The following EPHA7 variants were observed in gnomAD, a reference collection of about 807,000 sequenced individuals.
The protein encoded by EPHA7 is ephrin type-A receptor 7.
In EPHA7, 25 loss-of-function variants were observed where a neutral mutation model predicts 112.6. The observed-to-expected ratio is 0.22, with a 90% CI of 0.16 to 0.31. EPHA7 has a LOEUF of 0.31. Among genes scored for constraint, EPHA7 ranks in the 10% least tolerant of loss-of-function variants. EPHA7 has a pLI of 1.00. For missense variants in EPHA7, 962 were observed against 1,212.6 expected (o/e 0.79, Z 3.07); for synonymous variants, 437 against 406.5 (o/e 1.07, Z -0.90).
At chr6:93,357,621 A>T (rs1244884056) in intron 4 of EPHA7, among the ~76,000 whole-genome samples, 1 of 151,724 alleles carries the variant, frequency 6.6e-6, no homozygotes, top group African/African-American at 2.4e-5. Flanking sequence ...ATTACTTTTT[A>T]ATAACATTTA....
intron 13 of EPHA7, 99 bp downstream of exon 13, chr6:93,255,729 G>T: frequency 2.8e-6 from 3 of 1,057,810 alleles, no homozygotes; most frequent in Non-Finnish European, 2.8e-6. Flanking sequence ...AGCTCAATTT[G>T]CTTCATTTCT....
At chr6:93,298,956 G>GA (rs1461411296) in intron 5 of EPHA7, among the ~76,000 whole-genome samples, 2 of 151,818 alleles carry the variant, frequency 1.3e-5, no homozygotes, top group Admixed American at 6.6e-5. Context: ...ATTTACAAGA[G>GA]AAAAAAACAT....
At chr6:93,387,920 T>TAGAC (rs59997610) in intron 3 of EPHA7, among the ~76,000 whole-genome samples, 16,662 of 127,320 alleles carry the variant, frequency 0.13, 1,239 homozygotes, top group African/African-American at 0.21. Context: ...CTTAGATAGA[T>TAGAC]AGACAGATAG....
At chr6:93,387,968 T>TAGAC (rs1173297263) in intron 3 of EPHA7, among the ~76,000 whole-genome samples, 3 of 151,462 alleles carry the variant, frequency 2.0e-5, no homozygotes, top group African/African-American at 7.3e-5. Context: ...GATAGATAGA[T>TAGAC]AGATAGATAG....
At chr6:93,371,779 C>T (rs1052763253) in intron 3 of EPHA7, among the ~76,000 whole-genome samples, 11 of 152,146 alleles carry the variant, frequency 7.2e-5, no homozygotes, top group African/African-American at 2.7e-4. Flanking sequence ...TACATTACAT[C>T]TTCCTAATTA....
At chr6:93,394,217 A>C (rs1442378918) in intron 3 of EPHA7, among the ~76,000 whole-genome samples, 1 of 151,822 alleles carries the variant, frequency 6.6e-6, no homozygotes, top group African/African-American at 2.4e-5. Context: ...TAATGGCTTC[A>C]TTGGCTGAAT....
chr6:93,350,858 C>CGG (rs1775657050), intron 5 of EPHA7, among the ~76,000 whole-genome samples: 1 of 151,938 alleles, frequency 6.6e-6, no homozygotes, highest in Non-Finnish European at 1.5e-5. Flanking sequence ...AAAAACACTC[C>CGG]GGTTTCCCCG....
intron 3 of EPHA7, among the ~76,000 whole-genome samples, chr6:93,402,097 A>G (rs1778460824): frequency 6.6e-6 from 1 of 152,052 alleles, no homozygotes; most frequent in Non-Finnish European, 1.5e-5. Flanking sequence ...TAGGTTAATT[A>G]GAAACACTCT....
intron 5 of EPHA7, among the ~76,000 whole-genome samples, chr6:93,277,762 T>C (rs1047704977): frequency 2.6e-5 from 4 of 151,930 alleles, no homozygotes; most frequent in African/African-American, 9.7e-5. Context: ...TACAATATAG[T>C]AAGATATATA....
At chr6:93,360,707 T>G (rs1776219997) in intron 3 of EPHA7, among the ~76,000 whole-genome samples, 1 of 152,138 alleles carries the variant, frequency 6.6e-6, no homozygotes, top group Non-Finnish European at 1.5e-5. Context: ...CAGAGAAATT[T>G]CAAACTCTTA....
At chr6:93,295,130 C>T (rs1772593741) in intron 5 of EPHA7, among the ~76,000 whole-genome samples, 1 of 151,582 alleles carries the variant, frequency 6.6e-6, no homozygotes, top group African/African-American at 2.4e-5. Context: ...GAGAGATCAA[C>T]CATTTTGAAC....
intron 3 of EPHA7, among the ~76,000 whole-genome samples, chr6:93,401,001 G>T (rs547935560): frequency 6.6e-6 from 1 of 152,020 alleles, no homozygotes; most frequent in African/African-American, 2.4e-5. Context: ...CCAGATCTAG[G>T]TTTTCTCTGT....
chr6:93,248,794 G>A (rs1770076125), intron 14 of EPHA7, among the ~76,000 whole-genome samples: 1 of 152,072 alleles, frequency 6.6e-6, no homozygotes, highest in African/African-American at 2.4e-5. Flanking sequence ...GAACTCCAGG[G>A]CCTCACATCC....
chr6:93,371,591 G>A (rs866612288), intron 3 of EPHA7, among the ~76,000 whole-genome samples: 1 of 152,134 alleles, frequency 6.6e-6, no homozygotes, highest in Non-Finnish European at 1.5e-5. Context: ...AAAGAATTTA[G>A]AAATTTAGAA....
intron 5 of EPHA7, among the ~76,000 whole-genome samples, chr6:93,348,220 A>G (rs1038957744): frequency 6.6e-6 from 1 of 151,838 alleles, no homozygotes; most frequent in Non-Finnish European, 1.5e-5. Context: ...CAGGTTACTT[A>G]GAGGTATTTC....
intron 3 of EPHA7, among the ~76,000 whole-genome samples, chr6:93,386,971 C>T (rs1777638394): frequency 6.6e-6 from 1 of 152,134 alleles, no homozygotes; most frequent in East Asian, 1.9e-4. Flanking sequence ...GCCTCTGGAC[C>T]TGTGATGACA....
At chr6:93,263,780 A>T (rs1387321982) in intron 9 of EPHA7, 80 bp downstream of exon 9, 17 of 1,095,946 alleles carry the variant, frequency 1.6e-5, no homozygotes, top group African/African-American at 3.2e-5. Flanking sequence ...ATGCATGAGG[A>T]CTTTGTTAAT....
At chr6:93,309,909 T>C (rs992802142) in intron 5 of EPHA7, among the ~76,000 whole-genome samples, 3 of 152,170 alleles carry the variant, frequency 2.0e-5, no homozygotes, top group Non-Finnish European at 2.9e-5. Context: ...CTTTTTAAAA[T>C]GGCAAATAAA....
chr6:93,414,628 A>G, intron 2 of EPHA7, 75 bp downstream of exon 2: 2 of 1,125,074 alleles, frequency 1.8e-6, no homozygotes, highest in Non-Finnish European at 2.7e-6. Flanking sequence ...GAGTGTGAAT[A>G]ATTACCCTGG....
Sources: allele counts gnomAD v4.1 joint callset (sites outside exome capture counted in the v4.1 genomes callset), GRCh38; gene constraint gnomAD v4.1.1; transcripts MANE v1.5; gene names NCBI Gene and HGNC (gene_info 2026-07-23, HGNC 2026-07-21).